The following DLG2 variants were observed in gnomAD, a reference collection of about 807,000 sequenced individuals.
DLG2 encodes the protein discs large MAGUK scaffold protein 2.
Under a neutral mutation model 132.5 loss-of-function variants are expected in DLG2, and 45 were observed. The observed-to-expected ratio is 0.34, with a 90% confidence interval of 0.27 to 0.44. DLG2 has a LOEUF of 0.44. Ranked by LOEUF, DLG2 falls within the 20% of genes least tolerant of loss-of-function variation. DLG2 has a pLI of 1.00. For synonymous variants in DLG2, 424 were observed against 419.6 expected (o/e 1.01, Z -0.13); for missense variants, 1,045 against 1,196.9 (o/e 0.87, Z 1.87).
Position 85,502,971 on chromosome 11 carries a change from T to A in DLG2, c.40+95686A>T, listed in dbSNP as rs563812479. Among the ~76,000 whole-genome samples the A allele has an allele frequency of 5.9e-5, 9 of 152,146 alleles. No homozygotes were observed. In the South Asian group the frequency reaches 1.9e-3, roughly 32 times the overall value. ...GATACATTACAGCATAATCCTGCAA[T>A]AGAATGATATATACCAATAAAAAAT... On this transcript the variant is annotated intron_variant, in intron 3 of 27. Coordinates refer to ENST00000376104, the MANE Select transcript of DLG2 (RefSeq NM_001142699.3).
intron 2 of DLG2, among the ~76,000 whole-genome samples, chr11:85,600,860 C>A (rs927681829): frequency 2.0e-5 from 3 of 152,134 alleles, no homozygotes; most frequent in Non-Finnish European, 2.9e-5. Flanking sequence ...TTTTAACTTG[C>A]GCTTAAATTA....
At chr11:85,055,136 TG>T (rs1419684540) in intron 6 of DLG2, among the ~76,000 whole-genome samples, 1 of 152,180 alleles carries the variant, frequency 6.6e-6, no homozygotes, top group African/African-American at 2.4e-5. Flanking sequence ...CAGACAAATT[TG>T]TCAAATAAAG....
intron 7 of DLG2, among the ~76,000 whole-genome samples, chr11:84,485,076 C>T (rs189324377): frequency 1.3e-5 from 2 of 152,144 alleles, no homozygotes; most frequent in Non-Finnish European, 2.9e-5. Flanking sequence ...TAATTGATTG[C>T]ACAGCTAACA....
At chr11:84,666,108 G>A (rs575803314) in intron 6 of DLG2, among the ~76,000 whole-genome samples, 1 of 152,188 alleles carries the variant, frequency 6.6e-6, no homozygotes, top group East Asian at 1.9e-4. Flanking sequence ...TTTATTTGCT[G>A]CTCAGCCAGA....
At chr11:85,068,202 A>G (rs1013521729) in intron 6 of DLG2, among the ~76,000 whole-genome samples, 1 of 152,130 alleles carries the variant, frequency 6.6e-6, no homozygotes, top group Non-Finnish European at 1.5e-5. Context: ...ATCATACTGA[A>G]TGGCAAAACC....
intron 6 of DLG2, among the ~76,000 whole-genome samples, chr11:85,034,764 C>A (rs1437665887): frequency 6.6e-6 from 1 of 152,060 alleles, no homozygotes; most frequent in Admixed American, 6.6e-5. Context: ...ACCTTTTGCC[C>A]TTACAGTGCA....
intron 6 of DLG2, among the ~76,000 whole-genome samples, chr11:84,690,504 C>A (rs1193448204): frequency 6.6e-6 from 1 of 151,308 alleles, no homozygotes; most frequent in Non-Finnish European, 1.5e-5. Context: ...CATCCCTTAT[C>A]CCTTCTCTCA....
intron 6 of DLG2, among the ~76,000 whole-genome samples, chr11:84,889,203 C>T (rs779052107): frequency 6.6e-5 from 10 of 152,144 alleles, no homozygotes; most frequent in Non-Finnish European, 1.2e-4. Context: ...GCACGATCCT[C>T]ATCTCTATAG....
intron 3 of DLG2, among the ~76,000 whole-genome samples, chr11:85,564,937 TC>T (rs1187799251): frequency 6.6e-6 from 1 of 152,066 alleles, no homozygotes; most frequent in Non-Finnish European, 1.5e-5. Flanking sequence ...TTTATAGTTT[TC>T]AGTGAACAGG....
At chr11:84,650,873 G>GTGTGTGTATATATATATATA (rs1424393386) in intron 6 of DLG2, among the ~76,000 whole-genome samples, 54 of 123,946 alleles carry the variant, frequency 4.4e-4, no homozygotes, top group African/African-American at 1.7e-3. Flanking sequence ...GTGTGTGTGT[G>GTGTGTGTATATATATATATA]TATATATATA....
At chr11:84,749,627 T>C (rs977018483) in intron 6 of DLG2, among the ~76,000 whole-genome samples, 2 of 152,152 alleles carry the variant, frequency 1.3e-5, no homozygotes, top group African/African-American at 4.8e-5. Context: ...GTACACTCTA[T>C]GATATTTGCA....
intron 11 of DLG2, among the ~76,000 whole-genome samples, chr11:84,028,658 C>T (rs1593414549): frequency 6.6e-6 from 1 of 152,104 alleles, no homozygotes; most frequent in Non-Finnish European, 1.5e-5. Flanking sequence ...CTTACCATGG[C>T]CTCCTGCCTA....
intron 6 of DLG2, among the ~76,000 whole-genome samples, chr11:84,826,844 A>G (rs945431403): frequency 6.6e-6 from 1 of 151,802 alleles, no homozygotes; most frequent in South Asian, 2.1e-4. Context: ...TCAACAGGAA[A>G]TCTTATTTAT....
chr11:85,355,140 A>T (rs1445532671), intron 3 of DLG2, among the ~76,000 whole-genome samples: 2 of 152,208 alleles, frequency 1.3e-5, no homozygotes, highest in East Asian at 3.8e-4. Context: ...TATACTAAAT[A>T]GTTCAGTGCT....
chr11:85,537,037 T>C (rs1598358029), intron 3 of DLG2, among the ~76,000 whole-genome samples: 1 of 152,130 alleles, frequency 6.6e-6, no homozygotes, highest in African/African-American at 2.4e-5. Context: ...TAAAGGTTTG[T>C]AAATGCACAA....
At chr11:84,555,446 T>C (rs1018518163) in intron 6 of DLG2, among the ~76,000 whole-genome samples, 6 of 151,718 alleles carry the variant, frequency 4.0e-5, no homozygotes, top group African/African-American at 4.8e-5. Context: ...TATCCATATA[T>C]ACACACACAC....
chr11:83,573,259 T>G (rs2096827722), intron 19 of DLG2, among the ~76,000 whole-genome samples: 1 of 152,146 alleles, frequency 6.6e-6, no homozygotes, highest in African/African-American at 2.4e-5. Context: ...AAATGGTGAT[T>G]ATAGTCTCCA....
chr11:85,375,571 A>G (rs58117031), intron 3 of DLG2, among the ~76,000 whole-genome samples: 4,211 of 152,280 alleles, frequency 0.028, 101 homozygotes, highest in East Asian at 0.097. Flanking sequence ...GTCATTCACA[A>G]CAAAAGTTGT....
chr11:84,194,854 C>G (rs1435378772), intron 8 of DLG2, among the ~76,000 whole-genome samples: 1 of 152,200 alleles, frequency 6.6e-6, no homozygotes, highest in Non-Finnish European at 1.5e-5. Flanking sequence ...AGGCCTCTCA[C>G]TGCCTGGGGC....
Sources: gnomAD v4.1 joint callset for allele counts (sites outside exome capture counted in the v4.1 genomes callset) on GRCh38, gnomAD v4.1.1 for gene constraint, MANE v1.5 for transcripts, NCBI Gene and HGNC (gene_info 2026-07-23, HGNC 2026-07-21) for gene names.